Variants in TNS3 observed in about 807,000 individuals in gnomAD.
TNS3 encodes the protein tensin-3.
TNS3 carries 45 observed loss-of-function variants against 140.9 expected under a neutral mutation model. That is an observed-to-expected ratio of 0.32 (90% CI 0.25 to 0.41). TNS3 has a LOEUF of 0.41. TNS3 is among the 10% of genes least tolerant of loss of function. The pLI is 1.00. For missense variants in TNS3, 1,716 were observed against 1,906.7 expected, an observed-to-expected ratio of 0.90 and a Z score of 1.86; for synonymous variants, 815 against 788.4, an observed-to-expected ratio of 1.03 and a Z score of -0.56.
intron 24 of TNS3, 51 bp downstream of exon 24, chr7:47,297,031 G>T (rs1437537503): frequency 6.3e-7 from 1 of 1,584,808 alleles, no homozygotes; most frequent in Admixed American, 1.8e-5. Flanking sequence ...TAAACCAACA[G>T]AGTTTCTCTG....
intron 16 of TNS3, among the ~76,000 whole-genome samples, chr7:47,383,461 A>G (rs1791892728): frequency 6.6e-6 from 1 of 152,220 alleles, no homozygotes; most frequent in African/African-American, 2.4e-5. Flanking sequence ...CTGGAATTAG[A>G]TAATGGCGAC....
At chr7:47,388,174 G>A (rs1167602739) in intron 16 of TNS3, among the ~76,000 whole-genome samples, 10 of 152,174 alleles carry the variant, frequency 6.6e-5, no homozygotes, top group Admixed American at 5.9e-4. Flanking sequence ...ACTTAGAAAG[G>A]GGTGGCAGCA....
intron 2 of TNS3, among the ~76,000 whole-genome samples, chr7:47,514,790 C>T (rs1164926137): frequency 6.6e-6 from 1 of 152,178 alleles, no homozygotes; most frequent in Non-Finnish European, 1.5e-5. Flanking sequence ...CTACCTTCTT[C>T]CAGGGACCAA....
chr7:47,371,539 T>C (rs1376052378), intron 16 of TNS3, among the ~76,000 whole-genome samples: 2 of 152,164 alleles, frequency 1.3e-5, no homozygotes, highest in Non-Finnish European at 2.9e-5. Flanking sequence ...GCTCTGTCAG[T>C]GGCCCTGCCC....
At chr7:47,395,112 G>A (rs981965721) in intron 16 of TNS3, among the ~76,000 whole-genome samples, 1 of 152,170 alleles carries the variant, frequency 6.6e-6, no homozygotes, top group Admixed American at 6.5e-5. Flanking sequence ...CCCCTCCCTT[G>A]GCAAGCAAGG....
At position 47,344,963 on chromosome 7, in the gene TNS3, A is replaced by G; in HGVS notation, c.2527T>C (p.Ser843Pro). 1 of 1,614,234 alleles carries G rather than the reference A, an allele frequency of 6.2e-7. No homozygotes were observed. The highest frequency in any genetic ancestry group is 8.5e-7 in the Non-Finnish European group (1 of 1,180,048). Residue 843 changes from serine to proline, a missense_variant, in exon 19 of 31, where the codon TCA becomes CCA. By Grantham distance (74) the Ser-to-Pro change is moderately conservative. Around this residue, in one of 3 missense-constraint regions of TNS3, gnomAD observed 1,163 missense variants for 1,182.1 expected, o/e 0.98. Coordinates refer to ENST00000311160, the MANE Select transcript of TNS3 (RefSeq NM_022748.12). ...GGAGACACAGGAAATGCTGGAGTTG[A>G]ACACATGGACTCCTTGCTACTTAAA... Reference protein sequence around the residue: ...RILSSKESMCSTPAFPVSPET... With the variant: ...RILSSKESMCPTPAFPVSPET...
chr7:47,362,119 C>G (rs1482402731), intron 17 of TNS3, among the ~76,000 whole-genome samples: 1 of 152,118 alleles, frequency 6.6e-6, no homozygotes, highest in Non-Finnish European at 1.5e-5. Context: ...GCAGCAGCAC[C>G]CAGGGGCTCT....
chr7:47,574,416 G>A (rs922242206), intron 1 of TNS3, among the ~76,000 whole-genome samples: 1 of 151,964 alleles, frequency 6.6e-6, no homozygotes, highest in Non-Finnish European at 1.5e-5. Context: ...GGTGGACACC[G>A]TGAGAATCCA....
chr7:47,467,433 ATTGT>A (rs1796766229), intron 4 of TNS3, among the ~76,000 whole-genome samples: 1 of 152,212 alleles, frequency 6.6e-6, no homozygotes, highest in African/African-American at 2.4e-5. Flanking sequence ...TTTAACAAAA[ATTGT>A]TTCCTGATAC....
At chr7:47,402,837 T>G (rs1186345808) in intron 13 of TNS3, among the ~76,000 whole-genome samples, 1 of 152,198 alleles carries the variant, frequency 6.6e-6, no homozygotes, top group Non-Finnish European at 1.5e-5. Flanking sequence ...AGTCTTGCTC[T>G]CAAATTTTAT....
intron 2 of TNS3, among the ~76,000 whole-genome samples, chr7:47,522,054 C>T (rs1320509247): frequency 1.3e-5 from 2 of 152,146 alleles, no homozygotes; most frequent in Non-Finnish European, 2.9e-5. Flanking sequence ...GCAGGCAGGG[C>T]TGGGGGCCAA....
chr7:47,461,540 C>T (rs1458184016), intron 4 of TNS3, among the ~76,000 whole-genome samples: 1 of 152,222 alleles, frequency 6.6e-6, no homozygotes, highest in Non-Finnish European at 1.5e-5. Flanking sequence ...CTCACCACCC[C>T]TGTCCAGGAA....
intron 17 of TNS3, among the ~76,000 whole-genome samples, chr7:47,365,548 G>A (rs1790646297): frequency 6.6e-6 from 1 of 152,088 alleles, no homozygotes; most frequent in African/African-American, 2.4e-5. Flanking sequence ...CGGATCACAA[G>A]GTCAGGAGAT....
Position 47,380,168 on chromosome 7 carries a change from C to T in TNS3, c.1025-10547G>A, listed in dbSNP as rs548952959. On this transcript the variant is annotated intron_variant, in intron 16 of 30. Transcript: ENST00000311160. ...GGGGCTGTGGCAGGCGTGTCACAGA[C>T]GCCGCCAAGGTGCCCCCACAGCCGT... is the stretch of plus-strand genomic sequence containing the variant. Among the ~76,000 whole-genome samples the T allele has an allele frequency of 1.1e-4, 16 of 152,338 alleles. 1 individual carries two copies. The South Asian group carries it at 2.9e-3, about 28-fold the overall frequency.
chr7:47,359,070 G>A (rs2151079085), intron 17 of TNS3, among the ~76,000 whole-genome samples: 1 of 152,288 alleles, frequency 6.6e-6, no homozygotes, highest in South Asian at 2.1e-4. Flanking sequence ...GAAAGCAGGT[G>A]TTCAGACAAA....
chr7:47,530,661 TA>T (rs1243693102), intron 1 of TNS3, among the ~76,000 whole-genome samples: 20 of 150,358 alleles, frequency 1.3e-4, no homozygotes, highest in African/African-American at 4.9e-4. Flanking sequence ...CCGTGTCTAC[TA>T]AAAATACAAA....
chr7:47,578,899 C>T (rs533773819), intron 1 of TNS3, among the ~76,000 whole-genome samples: 18 of 152,328 alleles, frequency 1.2e-4, no homozygotes, highest in Non-Finnish European at 2.2e-4. Context: ...AGATTCAAAA[C>T]GCCCTCAATC....
chr7:47,328,218 C>T (rs550149220), intron 20 of TNS3, among the ~76,000 whole-genome samples: 23 of 152,230 alleles, frequency 1.5e-4, no homozygotes, highest in African/African-American at 4.6e-4. Flanking sequence ...AGAGGGCGGC[C>T]GAGAGAGCTC....
chr7:47,485,362 C>A (rs1797573723), intron 3 of TNS3, among the ~76,000 whole-genome samples: 1 of 152,204 alleles, frequency 6.6e-6, no homozygotes. Flanking sequence ...CCAGCGAGCC[C>A]CCACTCTGTG....
Sources: allele counts gnomAD v4.1 joint callset (sites outside exome capture counted in the v4.1 genomes callset), GRCh38; gene constraint gnomAD v4.1.1; regional missense constraint gnomAD v4.1.1; transcripts MANE v1.5; gene names NCBI Gene and HGNC (gene_info 2026-07-23, HGNC 2026-07-21).